USP1: variants seen among roughly 807,000 people sequenced by gnomAD.
The protein encoded by USP1 is ubiquitin specific peptidase 1, also known as ubiquitin carboxyl-terminal hydrolase 1.
A neutral mutation model predicts 72.2 loss-of-function variants in USP1; 18 were observed. The observed-to-expected ratio is 0.25, with a 90% confidence interval of 0.17 to 0.37. USP1 has a LOEUF of 0.37. USP1 is among the 10% of genes least tolerant of loss of function. USP1 has a pLI of 1.00. For synonymous variants in USP1, 354 were observed against 303.7 expected, an observed-to-expected ratio of 1.17 and a Z score of -1.72; for missense variants, 759 against 884.9, an observed-to-expected ratio of 0.86 and a Z score of 1.81.
At chr1:62,437,910 C>G (rs1441002077) in intron 1 of USP1, among the ~76,000 whole-genome samples, 1 of 152,162 alleles carries the variant, frequency 6.6e-6, no homozygotes, top group Non-Finnish European at 1.5e-5. Flanking sequence ...GGAATCGAGT[C>G]GTGTCATCTT....
rs932409805 is a variant in USP1 at position 62,450,858 on chromosome 1, G to A, written c.2235G>A (p.Gly745=). ...TGCAAAGCTTAAAGGAGTATGAGGGGAAGTGGTTGCTTTTTGATGATTCTG... is the reference window on the plus strand; with the variant it reads ...TGCAAAGCTTAAAGGAGTATGAGGGAAAGTGGTTGCTTTTTGATGATTCTG... The part of the protein sequence containing the change: ...YVVQSLKEYE[G]KWLLFDDSEV... Residue 745 remains glycine (G), a synonymous_variant, in exon 9 of 9, where the codon GGG becomes GGA. Coordinates refer to ENST00000339950, the MANE Select transcript of USP1 (RefSeq NM_003368.5). 1 of 1,614,098 alleles carries A rather than the reference G, an allele frequency of 6.2e-7. No homozygotes were observed. The highest frequency in any genetic ancestry group is 1.3e-5 in the African/African-American group (1 of 75,046).
At chr1:62,448,065 C>T (rs984366508) in intron 7 of USP1, among the ~76,000 whole-genome samples, 5 of 152,150 alleles carry the variant, frequency 3.3e-5, no homozygotes, top group African/African-American at 1.2e-4. Flanking sequence ...GGATTACAGG[C>T]GTGAGCCACC....
chr1:62,437,522 CA>C, intron 1 of USP1, 122 bp downstream of exon 1: 1 of 212,212 alleles, frequency 4.7e-6, no homozygotes, highest in Non-Finnish European at 9.3e-6. Flanking sequence ...GTCGACCTGC[CA>C]GGGGGAGCCG....
chr1:62,442,070 A>G (rs1645138049), intron 3 of USP1, 125 bp from the exon 4 acceptor site: 1 of 661,546 alleles, frequency 1.5e-6, no homozygotes, highest in Non-Finnish European at 2.5e-6. Context: ...TTGACACAAA[A>G]CTTAATCTCA....
intron 7 of USP1, 58 bp downstream of exon 7, chr1:62,447,569 A>T: frequency 6.5e-7 from 1 of 1,547,370 alleles, no homozygotes; most frequent in Non-Finnish European, 8.7e-7. Flanking sequence ...TTCTTTAACA[A>T]CACAAAGTTT....
chr1:62,447,943 C>T (rs1200232734), intron 7 of USP1, among the ~76,000 whole-genome samples: 4 of 152,034 alleles, frequency 2.6e-5, no homozygotes, highest in African/African-American at 9.7e-5. Flanking sequence ...CCCACCACCA[C>T]GCCCGGCTAA....
intron 1 of USP1, among the ~76,000 whole-genome samples, chr1:62,439,276 C>T (rs956035358): frequency 6.6e-6 from 1 of 152,186 alleles, no homozygotes; most frequent in African/African-American, 2.4e-5. Context: ...CCTCCGCCTC[C>T]CGGATTCAAG....
Position 62,451,002 on chromosome 1 carries a change from G to A in USP1, c.*21G>A. ...TATAGAGTGAGTGTATTTTCCTTGT[G>A]TATATATTAAACACACCCATACAAA... On this transcript the variant is annotated 3_prime_UTR_variant, in exon 9 of 9. Coordinates refer to ENST00000339950, the MANE Select transcript of USP1 (RefSeq NM_003368.5). 6.5e-7 allele frequency: 1 copy of A among 1,546,988 alleles called. No homozygotes were observed. Among genetic ancestry groups the A allele is most frequent in the South Asian group, 1.3e-5 (1 of 79,716 alleles).
intron 6 of USP1, among the ~76,000 whole-genome samples, chr1:62,446,807 ATTTTTTATT>A (rs888521783): frequency 4.0e-5 from 6 of 151,672 alleles, no homozygotes; most frequent in East Asian, 1.9e-4. Context: ...ACTTTTTTTT[ATTTTTTATT>A]TTTTTTATTT....
chr1:62,445,067 A>C lies in USP1; in HGVS notation c.887A>C (p.Asn296Thr). The C allele has an allele frequency of 6.2e-7, 1 of 1,612,404 alleles. No individual in the cohort carries two copies. The highest frequency in any genetic ancestry group is 8.5e-7 in the Non-Finnish European group (1 of 1,179,616). Residue 296 changes from asparagine (N) to threonine (T), a missense_variant, in exon 6 of 9, where the codon AAC becomes ACC. By Grantham distance (65) the Asn-to-Thr change is moderately conservative. Transcript: ENST00000339950. ...AAGGAACACCAGTCATTGGAAGAGA[A>C]CCAGAGACAAACTAGATCAAAAAGA... ...LSKEHQSLEE[N>T]QRQTRSKRKA...
intron 7 of USP1, 125 bp from the exon 8 acceptor site, chr1:62,448,340 C>T (rs1645190751): frequency 2.2e-6 from 2 of 893,062 alleles, no homozygotes; most frequent in East Asian, 2.7e-5. Flanking sequence ...AAGTAAAAAT[C>T]TCTTTAGTTA....
intron 1 of USP1, among the ~76,000 whole-genome samples, chr1:62,438,068 A>G (rs1191670583): frequency 2.0e-5 from 3 of 152,056 alleles, no homozygotes. Flanking sequence ...GCCAGGAGCA[A>G]GAAATAGCAA....
rs1645162005 is a variant in USP1, at chr1:62,445,170, C to A, written c.990C>A (p.Pro330=). The part of the protein sequence containing the change: ...KYISENESPR[P]SQKKSRVKIN... ...TTTCTGAAAATGAGAGTCCAAGACC[C>A]TCACAAAAGAAATCAAGAGTTAAAA... Residue 330 remains proline (P), a synonymous_variant, in exon 6 of 9, where the codon CCC becomes CCA. Transcript: ENST00000339950. 6.2e-7 allele frequency: 1 copy of A among 1,613,160 alleles called. No homozygotes were observed. Among genetic ancestry groups the A allele is most frequent in the Non-Finnish European group, 8.5e-7 (1 of 1,179,806 alleles).
chr1:62,442,683 T>C (rs1370446624), intron 4 of USP1, among the ~76,000 whole-genome samples: 1 of 152,184 alleles, frequency 6.6e-6, no homozygotes, highest in Non-Finnish European at 1.5e-5. Flanking sequence ...TTCACATAAA[T>C]AGTAATTCAT....
rs1223974041 is a variant in USP1 at position 62,447,347 on chromosome 1, A to C, written c.1256A>C (p.Glu419Ala). The stretch of plus-strand genomic sequence containing the variant: ...TTTCCTATTTTCATTTTAGGTGAAG[A>C]ACAAATTGGTTTTGAGCTAGTGGAG... ...NEVKPINKGE[E>A]QIGFELVEKL... is the part of the protein sequence containing the mutation. The change falls in exon 7 of 9, where the codon GAA (glutamate) becomes GCA (alanine). Residue 419 changes from glutamate (E) to alanine (A), a missense_variant. Physicochemically the swap from Glu to Ala is moderately radical, Grantham distance 107. Transcript: ENST00000339950. 6.2e-7 allele frequency: 1 copy of C among 1,612,708 alleles called. No individual in the cohort carries two copies. Among genetic ancestry groups the C allele is most frequent in the Admixed American group, 1.7e-5 (1 of 59,630 alleles).
chr1:62,437,508 C>T (rs1436358113), intron 1 of USP1, 108 bp downstream of exon 1: 4 of 231,996 alleles, frequency 1.7e-5, no homozygotes. Flanking sequence ...GGCCTCGCAC[C>T]CTGGTCGACC....
At chr1:62,441,338 A>C (rs772633669) in intron 2 of USP1, 150 bp from the exon 3 acceptor site, 109 of 895,288 alleles carry the variant, frequency 1.2e-4, no homozygotes, top group Non-Finnish European at 1.6e-4. Flanking sequence ...GCAATTTTTG[A>C]GCCTGTATTT....
At chr1:62,446,232 T>A (rs1271170789) in intron 6 of USP1, among the ~76,000 whole-genome samples, 1 of 152,086 alleles carries the variant, frequency 6.6e-6, no homozygotes, top group African/African-American at 2.4e-5. Flanking sequence ...ACTACACAAC[T>A]AGCCTATATG....
Position 62,437,129 on chromosome 1 carries a change from T to A in USP1, c.-341T>A, listed in dbSNP as rs1238102344. On this transcript the variant is annotated 5_prime_UTR_variant, in exon 1 of 9. Transcript: ENST00000339950. ...GCGTTCGGCGAGCGGGGCCGCTGCT[T>A]GTTGCGCTCCTGGCTCTCCCGGGGC... 5.0e-6 allele frequency: 2 copies of A among 399,074 alleles called. No individual in the cohort carries two copies. The highest frequency in any genetic ancestry group is 8.8e-6 in the Non-Finnish European group (2 of 226,110). The allele number at this position is 399,074 out of a possible 1,614,324, so 24.7% of individuals were successfully genotyped here.
Sources: gnomAD v4.1 joint callset for allele counts (sites outside exome capture counted in the v4.1 genomes callset) on GRCh38, gnomAD v4.1.1 for gene constraint, MANE v1.5 for transcripts, NCBI Gene and HGNC (gene_info 2026-07-23, HGNC 2026-07-21) for gene names.